The following CWH43 variants were observed in gnomAD, a reference collection of about 807,000 sequenced individuals.
CWH43 encodes cell wall biogenesis 43 C-terminal homolog.
A neutral mutation model predicts 85.7 loss-of-function variants in CWH43; 91 were observed. The observed-to-expected ratio is 1.06, with a 90% confidence interval of 0.90 to 1.26. The LOEUF (loss-of-function observed/expected upper bound fraction) is 1.26, where lower values mean the gene tolerates loss of function less well. Ranked by LOEUF, CWH43 falls within the 50% of genes most tolerant of loss-of-function variation. The pLI is 0.00. For synonymous variants in CWH43, 323 were observed against 293.6 expected (o/e 1.10, Z -1.02); for missense variants, 869 against 839.2 (o/e 1.04, Z -0.44).
At chr4:49,000,472 A>G (rs1782956356) in intron 6 of CWH43, among the ~76,000 whole-genome samples, 1 of 152,156 alleles carries the variant, frequency 6.6e-6, no homozygotes, top group African/African-American at 2.4e-5. Context: ...CAGAGAGTTT[A>G]TTTGTGAGAT....
intron 6 of CWH43, among the ~76,000 whole-genome samples, chr4:48,999,059 C>T (rs1014372280): frequency 6.6e-5 from 10 of 152,054 alleles, no homozygotes; most frequent in African/African-American, 2.4e-4. Flanking sequence ...ACCCGTTATT[C>T]TTCCTGATCC....
chr4:49,040,503 G>T (rs1309288444), intron 13 of CWH43, among the ~76,000 whole-genome samples: 2 of 151,896 alleles, frequency 1.3e-5, no homozygotes, highest in African/African-American at 4.8e-5. Flanking sequence ...CCAGTGATGA[G>T]CATTTTTTCA....
chr4:48,986,632 T>A (rs920272483), intron 1 of CWH43, 160 bp downstream of exon 1: 1 of 1,438,926 alleles, frequency 6.9e-7, no homozygotes, highest in African/African-American at 1.5e-5. Context: ...CTTTTCCTAC[T>A]GAAGGGAATA....
rs1782680295 is a variant in CWH43, at chr4:48,992,187, C to T, written c.511+97C>T. The T allele has an allele frequency of 9.5e-7, 1 of 1,052,726 alleles. No homozygotes were observed. The highest frequency in any genetic ancestry group is 1.4e-6 in the Non-Finnish European group (1 of 716,076). The allele number at this position is 1,052,726 out of a possible 1,614,324, so 65.2% of individuals were successfully genotyped here. On this transcript the variant is annotated intron_variant, in intron 4 of 15. Coordinates refer to ENST00000226432, the MANE Select transcript of CWH43 (RefSeq NM_025087.3). This position sits in a 1 kb window ranked among gnomAD's most constrained non-coding sequence, Gnocchi z 4.3. ...AAGAAAATCTATAAAAGTAGTCTTTCTGCATTATATCTATATTTCAGCTTT... is the reference window on the plus strand; with the variant it reads ...AAGAAAATCTATAAAAGTAGTCTTTTTGCATTATATCTATATTTCAGCTTT...
Position 49,032,548 on chromosome 4 carries a change from C to CT in CWH43, c.1509-14dup, listed in dbSNP as rs2109808359. The CT allele has an allele frequency of 6.2e-7, 1 of 1,613,474 alleles. No individual in the cohort carries two copies. Among genetic ancestry groups the CT allele is most frequent in the East Asian group, 2.2e-5 (1 of 44,866 alleles). Reference sequence around the variant, plus strand: ...GGGACTGACAATGATGCCCATGTCTCTTTTCATTCCAATACAGGATTATGG... The same window carrying CT: ...GGGACTGACAATGATGCCCATGTCTCTTTTTCATTCCAATACAGGATTATGG... On this transcript the variant is annotated splice_polypyrimidine_tract_variant and intron_variant, in intron 11 of 15. Transcript: ENST00000226432.
At chr4:49,009,516 A>T (rs1783281399) in intron 8 of CWH43, among the ~76,000 whole-genome samples, 1 of 152,128 alleles carries the variant, frequency 6.6e-6, no homozygotes, top group Non-Finnish European at 1.5e-5. Context: ...CACTGTGTTG[A>T]ATAGGAGTGG....
chr4:49,002,751 G>C (rs535284617), intron 6 of CWH43, among the ~76,000 whole-genome samples: 43 of 152,222 alleles, frequency 2.8e-4, no homozygotes, highest in Middle Eastern at 3.4e-3. Context: ...TTTTTGAAGT[G>C]GGGAGAAATA....
intron 13 of CWH43, among the ~76,000 whole-genome samples, chr4:49,038,656 C>A (rs968002935): frequency 9.9e-5 from 15 of 152,164 alleles, no homozygotes; most frequent in Non-Finnish European, 1.6e-4. Context: ...ATTCTGATCA[C>A]ATTAAATTCT....
At chr4:49,015,272 T>C (rs941478756) in intron 8 of CWH43, among the ~76,000 whole-genome samples, 15 of 151,958 alleles carry the variant, frequency 9.9e-5, no homozygotes, top group African/African-American at 3.1e-4. Flanking sequence ...GTTTTTTTTT[T>C]CCCTTATGCC....
chr4:49,044,942 A>G (rs1180315595), intron 14 of CWH43, 95 bp downstream of exon 14: 8 of 928,516 alleles, frequency 8.6e-6, no homozygotes, highest in Non-Finnish European at 1.2e-5. Context: ...GAAGCAATTA[A>G]TTTTTGTTGC....
At chr4:49,004,868 C>A (rs1783106896) in intron 7 of CWH43, among the ~76,000 whole-genome samples, 1 of 152,042 alleles carries the variant, frequency 6.6e-6, no homozygotes, top group African/African-American at 2.4e-5. Flanking sequence ...ATTCACATAC[C>A]AAAATTATAA....
At chr4:49,008,392 T>C (rs1356330148) in intron 8 of CWH43, among the ~76,000 whole-genome samples, 3 of 151,880 alleles carry the variant, frequency 2.0e-5, no homozygotes, top group Non-Finnish European at 4.4e-5. Context: ...GTCACATGGA[T>C]AGATTGCAAA....
chr4:49,061,785 CTT>C, intron 15 of CWH43, 25 bp from the exon 16 acceptor site: 1 of 1,323,590 alleles, frequency 7.6e-7, no homozygotes, highest in Non-Finnish European at 1.0e-6. Flanking sequence ...ATGCCAATAA[CTT>C]TTTATTTATT....
chr4:48,995,936 C>T (rs1178351689), intron 5 of CWH43, among the ~76,000 whole-genome samples: 1 of 152,194 alleles, frequency 6.6e-6, no homozygotes. Context: ...GATTCCACCA[C>T]TCCTTTACTG....
chr4:49,055,439 T>C (rs1419834714), intron 15 of CWH43, among the ~76,000 whole-genome samples: 1 of 152,188 alleles, frequency 6.6e-6, no homozygotes, highest in Non-Finnish European at 1.5e-5. Context: ...TACATGTGTG[T>C]TCATTAGGGA....
chr4:48,996,298 TACACAC>T (rs36210509), intron 5 of CWH43, among the ~76,000 whole-genome samples: 60,156 of 149,894 alleles, frequency 0.4, 13,193 homozygotes, highest in Admixed American at 0.54. Flanking sequence ...TATATATGTG[TACACAC>T]ACACACACAC....
At chr4:49,061,050 C>T (rs1785143495) in intron 15 of CWH43, among the ~76,000 whole-genome samples, 1 of 152,108 alleles carries the variant, frequency 6.6e-6, no homozygotes, top group South Asian at 2.1e-4. Flanking sequence ...GATGCACCAA[C>T]ATTTAGCTAA....
At chr4:48,999,035 G>A (rs1330856130) in intron 6 of CWH43, among the ~76,000 whole-genome samples, 1 of 152,040 alleles carries the variant, frequency 6.6e-6, no homozygotes, top group East Asian at 1.9e-4. Context: ...TGTTACCCAG[G>A]TAATAAGCCT....
intron 9 of CWH43, among the ~76,000 whole-genome samples, chr4:49,027,963 C>A (rs899809327): frequency 6.6e-6 from 1 of 152,140 alleles, no homozygotes; most frequent in Admixed American, 6.5e-5. Context: ...CTTTCCAGTA[C>A]AGCAAGGGTG....
Sources: gnomAD v4.1 joint callset for allele counts (sites outside exome capture counted in the v4.1 genomes callset) on GRCh38, gnomAD v4.1.1 for gene constraint, Gnocchi (gnomAD v3.1) non-coding constraint, MANE v1.5 for transcripts, NCBI Gene and HGNC (gene_info 2026-07-23, HGNC 2026-07-21) for gene names.